Variants in TEK observed in about 807,000 individuals in gnomAD.
TEK encodes TEK receptor tyrosine kinase.
In TEK, 43 loss-of-function variants were observed where a neutral mutation model predicts 131.8. The observed-to-expected ratio is 0.33, with a 90% CI of 0.26 to 0.42. The LOEUF is 0.42. Among genes scored for constraint, TEK ranks in the 10% least tolerant of loss-of-function variants. The pLI is 1.00. For missense variants in TEK, 1,162 were observed against 1,384.4 expected, an observed-to-expected ratio of 0.84 and a Z score of 2.55; for synonymous variants, 580 against 491.6, an observed-to-expected ratio of 1.18 and a Z score of -2.38.
At chr9:27,171,300 G>T (rs972914791) in intron 4 of TEK, among the ~76,000 whole-genome samples, 2 of 152,132 alleles carry the variant, frequency 1.3e-5, no homozygotes, top group Admixed American at 6.6e-5. Context: ...GGGCTTCTCT[G>T]TCATTCCTCT....
At position 27,158,334 on chromosome 9, in the gene TEK, CA is replaced by C. The variant is rs530852349; in HGVS notation, c.364+194del. Among the ~76,000 whole-genome samples the C allele has an allele frequency of 2.9e-3, 444 of 152,128 alleles. 3 individuals carry two copies. Among genetic ancestry groups the C allele is most frequent in the Admixed American group, 5.6e-3 (86 of 15,270 alleles). On this transcript the variant is annotated intron_variant, in intron 2 of 22. Transcript: ENST00000380036. ...TAGAGATAAAGGAGACTACCCAGTC[CA>C]ACCCCTTAACTAGATACTGTGCCTA... is the stretch of plus-strand genomic sequence containing the variant.
chr9:27,219,984 C>T (rs1437640750), intron 20 of TEK, 65 bp from the exon 21 acceptor site: 5 of 1,541,372 alleles, frequency 3.2e-6, no homozygotes, highest in Non-Finnish European at 4.5e-6. Flanking sequence ...TATTTAGAAA[C>T]CCTGGACAGG....
At chr9:27,219,323 T>C (rs1157037616) in intron 20 of TEK, among the ~76,000 whole-genome samples, 1 of 152,216 alleles carries the variant, frequency 6.6e-6, no homozygotes, top group African/African-American at 2.4e-5. Flanking sequence ...AGGAATGAGT[T>C]CGTGTCCTTT....
At chr9:27,196,731 G>A (rs966426446) in intron 11 of TEK, among the ~76,000 whole-genome samples, 1 of 150,144 alleles carries the variant, frequency 6.7e-6, no homozygotes, top group Non-Finnish European at 1.5e-5. Context: ...GAAAGCAGGA[G>A]CAGAAGAGTG....
At chr9:27,112,986 G>A (rs76861647) in intron 1 of TEK, among the ~76,000 whole-genome samples, 14 of 152,288 alleles carry the variant, frequency 9.2e-5, no homozygotes, top group Non-Finnish European at 1.8e-4. Flanking sequence ...GCTGTCATAT[G>A]TTGTATTAGC....
chr9:27,216,145 T>G (rs1490763057), intron 18 of TEK, among the ~76,000 whole-genome samples: 2 of 152,156 alleles, frequency 1.3e-5, no homozygotes, highest in African/African-American at 4.8e-5. Context: ...GCTAAGGATT[T>G]GGGATCTTGG....
At chr9:27,131,022 TAAATC>T (rs1179347815) in intron 1 of TEK, among the ~76,000 whole-genome samples, 2 of 152,150 alleles carry the variant, frequency 1.3e-5, no homozygotes, top group Non-Finnish European at 2.9e-5. Flanking sequence ...AAAACAAATT[TAAATC>T]AAATCAAAAC....
intron 1 of TEK, among the ~76,000 whole-genome samples, chr9:27,150,546 G>A (rs2131103499): frequency 6.6e-6 from 1 of 152,198 alleles, no homozygotes; most frequent in South Asian, 2.1e-4. Context: ...TTGAGTTCGA[G>A]GCTGCAGTGA....
chr9:27,173,077 T>C lies in TEK; in HGVS notation c.761-145T>C. ...GTTTCATTATCAGTAAAATGGGCCATAAGGGTATGTTCATCCTACCATGCC... is the reference window on the plus strand; with the variant it reads ...GTTTCATTATCAGTAAAATGGGCCACAAGGGTATGTTCATCCTACCATGCC... On this transcript the variant is annotated intron_variant, in intron 5 of 22. Transcript: ENST00000380036. 3.8e-6 allele frequency: 4 copies of C among 1,040,996 alleles called. No homozygotes were observed. In the South Asian group the frequency reaches 5.5e-5, roughly 14 times the overall value. 64.5% of individuals were successfully genotyped at this position (1,040,996 alleles called of 1,614,324 possible). A position where few individuals can be genotyped will look rare whatever the true frequency, so the allele number is the denominator to read the frequency against.
chr9:27,133,595 G>A (rs182049097), intron 1 of TEK, among the ~76,000 whole-genome samples: 3 of 152,148 alleles, frequency 2.0e-5, no homozygotes, highest in African/African-American at 7.2e-5. Flanking sequence ...TCAATTGCTA[G>A]TGCATGCCTC....
intron 2 of TEK, among the ~76,000 whole-genome samples, chr9:27,161,433 G>T (rs1823544550): frequency 6.6e-6 from 1 of 152,228 alleles, no homozygotes; most frequent in South Asian, 2.1e-4. Flanking sequence ...GATTTACACA[G>T]TGAACGTTGT....
At chr9:27,167,330 C>T (rs866369107) in intron 2 of TEK, among the ~76,000 whole-genome samples, 1 of 152,122 alleles carries the variant, frequency 6.6e-6, no homozygotes. Flanking sequence ...CGGATTCAAG[C>T]AATTCTCCTA....
chr9:27,124,234 A>T (rs1005694515), intron 1 of TEK, among the ~76,000 whole-genome samples: 1 of 152,238 alleles, frequency 6.6e-6, no homozygotes, highest in African/African-American at 2.4e-5. Flanking sequence ...TGGCTAAACC[A>T]ACATTTATAA....
chr9:27,162,959 C>A (rs1823597920), intron 2 of TEK, among the ~76,000 whole-genome samples: 1 of 152,160 alleles, frequency 6.6e-6, no homozygotes, highest in Non-Finnish European at 1.5e-5. Context: ...TGTGATCCAC[C>A]CACCTCAGCC....
Position 27,158,150 on chromosome 9 carries a change from G to A in TEK, c.364+8G>A. The A allele has an allele frequency of 6.2e-7, 1 of 1,613,968 alleles. No individual in the cohort carries two copies. The highest frequency in any genetic ancestry group is 8.5e-7 in the Non-Finnish European group (1 of 1,179,990). On this transcript the variant is annotated splice_region_variant and intron_variant, in intron 2 of 22. Coordinates refer to ENST00000380036, the MANE Select transcript of TEK (RefSeq NM_000459.5). The stretch of plus-strand genomic sequence containing the variant: ...TGAAGATGCGTCAACAAGGTAACAT[G>A]CCCCTAAGTTTTGGGCAGGTGAGGC...
intron 13 of TEK, among the ~76,000 whole-genome samples, chr9:27,204,552 CA>C (rs1454235171): frequency 1.3e-5 from 2 of 152,170 alleles, no homozygotes; most frequent in Non-Finnish European, 2.9e-5. Context: ...GAGGTTTAGT[CA>C]CTCTCTCAAA....
chr9:27,190,278 T>C (rs772004124), intron 9 of TEK, among the ~76,000 whole-genome samples: 3 of 152,144 alleles, frequency 2.0e-5, no homozygotes, highest in Non-Finnish European at 4.4e-5. Flanking sequence ...TTATCCTACA[T>C]GTGATGAGAA....
At chr9:27,189,303 C>G (rs1176108145) in intron 9 of TEK, among the ~76,000 whole-genome samples, 2 of 152,138 alleles carry the variant, frequency 1.3e-5, no homozygotes, top group Non-Finnish European at 2.9e-5. Flanking sequence ...TTTTTATTAT[C>G]ATCCCACTAA....
intron 7 of TEK, 146 bp from the exon 8 acceptor site, chr9:27,183,313 C>T: frequency 2.3e-6 from 2 of 855,220 alleles, no homozygotes; most frequent in Non-Finnish European, 3.9e-6. Context: ...ATCCACATCA[C>T]AGGTGTCTTA....
Sources: gnomAD v4.1 joint callset for allele counts (sites outside exome capture counted in the v4.1 genomes callset) on GRCh38, gnomAD v4.1.1 for gene constraint, MANE v1.5 for transcripts, NCBI Gene and HGNC (gene_info 2026-07-23, HGNC 2026-07-21) for gene names.